The following NAA25 variants were observed in gnomAD, a reference collection of about 807,000 sequenced individuals.
The protein encoded by NAA25 is N-terminal acetyltransferase B complex subunit NAA25.
In NAA25, 30 loss-of-function variants were observed where a neutral mutation model predicts 132.5. The observed-to-expected ratio is 0.23, with a 90% CI of 0.17 to 0.31. NAA25 has a LOEUF of 0.31. Among genes scored for constraint, NAA25 ranks in the 10% least tolerant of loss-of-function variants. The pLI is 1.00. For synonymous variants in NAA25, 359 were observed against 401.9 expected (o/e 0.89, Z 1.28); for missense variants, 771 against 1,150.4 (o/e 0.67, Z 4.77).
chr12:112,082,281 G>A (rs544382064), intron 4 of NAA25, among the ~76,000 whole-genome samples: 1 of 151,690 alleles, frequency 6.6e-6, no homozygotes, highest in Admixed American at 6.6e-5. Flanking sequence ...AAAAATAAAT[G>A]TCCTAGGCCA....
In NAA25 at chr12:112,043,806, C is replaced by T. The variant is rs770890082; in HGVS notation, c.2069G>A (p.Arg690Gln). ...LEEETLWLRIRSLTLRLISGL... is the reference protein window; with the variant it reads ...LEEETLWLRIQSLTLRLISGL... The stretch of plus-strand genomic sequence containing the variant: ...ACTTATCAGCCTCAATGTTAAGGAT[C>T]GGATTCTTAACCACAAGGTCTCCTC... Residue 690 changes from arginine (R) to glutamine (Q), a missense_variant, in exon 18 of 24, where the codon CGA (arginine) becomes CAA (glutamine). Physicochemically the swap from Arg to Gln is conservative, Grantham distance 43. Around this residue, in one of 3 missense-constraint regions of NAA25, gnomAD observed 324 missense variants for 400.0 expected, o/e 0.81. Transcript: ENST00000261745. The T allele has an allele frequency of 1.2e-5, 19 of 1,613,972 alleles. No homozygotes were observed. The East Asian group carries it at 2.4e-4, about 21-fold the overall frequency.
intron 10 of NAA25, 148 bp from the exon 11 acceptor site, chr12:112,069,140 G>T: frequency 1.7e-6 from 1 of 598,656 alleles, no homozygotes; most frequent in South Asian, 2.0e-5. Context: ...TCAACTACTT[G>T]TTCAGTTACA....
At chr12:112,047,873 G>C (rs2078410884) in intron 16 of NAA25, 83 bp from the exon 17 acceptor site, 1 of 1,324,618 alleles carries the variant, frequency 7.5e-7, no homozygotes, top group South Asian at 1.5e-5. Context: ...TGTTTTACTA[G>C]ACAGGAAGGG....
At chr12:112,048,571 T>C (rs1232675565) in intron 15 of NAA25, 128 bp from the exon 16 acceptor site, 1 of 733,634 alleles carries the variant, frequency 1.4e-6, no homozygotes. Flanking sequence ...AAGGTCTTGG[T>C]CACCAAGTAG....
At chr12:112,039,148 A>C in intron 22 of NAA25, 81 bp downstream of exon 22, 1 of 847,642 alleles carries the variant, frequency 1.2e-6, no homozygotes. Context: ...CTAAGGACTC[A>C]ACATGGAGGA....
intron 13 of NAA25, 69 bp from the exon 14 acceptor site, chr12:112,054,637 A>G: frequency 7.0e-7 from 1 of 1,438,316 alleles, no homozygotes. Context: ...AACAAAAAAC[A>G]AAACCTTATT....
chr12:112,103,366 C>A (rs1327987352), intron 1 of NAA25, among the ~76,000 whole-genome samples: 1 of 152,122 alleles, frequency 6.6e-6, no homozygotes, highest in Non-Finnish European at 1.5e-5. Flanking sequence ...TGTCACAGGT[C>A]CAGGGCAAAA....
intron 23 of NAA25, among the ~76,000 whole-genome samples, chr12:112,032,819 A>G (rs974944629): frequency 6.6e-6 from 1 of 152,180 alleles, no homozygotes; most frequent in African/African-American, 2.4e-5. Flanking sequence ...TAGCCTAATT[A>G]TTACTGACAT....
intron 17 of NAA25, among the ~76,000 whole-genome samples, chr12:112,044,574 A>G (rs1053669179): frequency 6.6e-6 from 1 of 151,774 alleles, no homozygotes; most frequent in Admixed American, 6.6e-5. Flanking sequence ...GGAGGCTGAG[A>G]CAGGAGAATG....
chr12:112,056,517 A>G (rs1234920907), intron 13 of NAA25, among the ~76,000 whole-genome samples: 1 of 152,184 alleles, frequency 6.6e-6, no homozygotes, highest in African/African-American at 2.4e-5. Context: ...CTATGGTGCC[A>G]CTGCACTCTA....
chr12:112,082,550 G>C (rs980778380), intron 4 of NAA25, among the ~76,000 whole-genome samples: 1 of 151,922 alleles, frequency 6.6e-6, no homozygotes, highest in African/African-American at 2.4e-5. Context: ...TCCAGCCTGG[G>C]CAACAAATTA....
intron 18 of NAA25, 24 bp from the exon 19 acceptor site, chr12:112,043,235 T>G (rs1323997636): frequency 4.5e-6 from 7 of 1,564,874 alleles, no homozygotes; most frequent in Non-Finnish European, 6.1e-6. Flanking sequence ...AGAAAAATAA[T>G]GCTCTTTTAA....
chr12:112,099,865 G>C (rs1209550006), intron 1 of NAA25, among the ~76,000 whole-genome samples: 1 of 152,194 alleles, frequency 6.6e-6, no homozygotes, highest in East Asian at 1.9e-4. Context: ...CTTAGCAGCT[G>C]AAATAGTATG....
intron 3 of NAA25, among the ~76,000 whole-genome samples, chr12:112,089,017 G>C (rs2079094193): frequency 6.6e-6 from 1 of 152,118 alleles, no homozygotes; most frequent in Non-Finnish European, 1.5e-5. Flanking sequence ...TAAAACACTG[G>C]AGAAGAATCC....
chr12:112,054,357 C>A, intron 14 of NAA25, 31 bp downstream of exon 14: 1 of 1,594,598 alleles, frequency 6.3e-7, no homozygotes. Flanking sequence ...GTATAGCTGG[C>A]TGCTCATTAT....
chr12:112,030,349 G>A (rs2078133469), intron 23 of NAA25, among the ~76,000 whole-genome samples: 1 of 151,822 alleles, frequency 6.6e-6, no homozygotes, highest in Non-Finnish European at 1.5e-5. Flanking sequence ...TGTGCAAAGT[G>A]GAAATTTTGA....
intron 22 of NAA25, 30 bp from the exon 23 acceptor site, chr12:112,033,409 C>T: frequency 6.4e-7 from 1 of 1,572,436 alleles, no homozygotes; most frequent in South Asian, 1.2e-5. Flanking sequence ...AGAGTTGAAA[C>T]ATTATCAAAC....
intron 1 of NAA25, among the ~76,000 whole-genome samples, chr12:112,098,935 A>G (rs2079253420): frequency 6.6e-6 from 1 of 152,020 alleles, no homozygotes; most frequent in Admixed American, 6.6e-5. Context: ...CCTTTACATT[A>G]AGGAGAAAGT....
At chr12:112,045,497 A>AC (rs1455560582) in intron 17 of NAA25, among the ~76,000 whole-genome samples, 1 of 150,346 alleles carries the variant, frequency 6.7e-6, no homozygotes, top group African/African-American at 2.5e-5. Context: ...AAAAAAAAAA[A>AC]AAAAAAAAAA....
Sources: gnomAD v4.1 joint callset for allele counts (sites outside exome capture counted in the v4.1 genomes callset) on GRCh38, gnomAD v4.1.1 for gene constraint, gnomAD v4.1.1 regional missense constraint, MANE v1.5 for transcripts, NCBI Gene and HGNC (gene_info 2026-07-23, HGNC 2026-07-21) for gene names.